ATP6V0E1: variants seen among roughly 807,000 people sequenced by gnomAD.
ATP6V0E1 encodes ATPase H+ transporting V0 subunit e1.
ATP6V0E1 carries 4 observed loss-of-function variants against 11.6 expected under a neutral mutation model. The observed-to-expected ratio is 0.35, with a 90% CI of 0.17 to 0.79. The LOEUF is 0.79. Ranked by LOEUF, ATP6V0E1 falls within the 30% of genes least tolerant of loss-of-function variation. ATP6V0E1 has a pLI of 0.54. For synonymous variants in ATP6V0E1, 36 were observed against 34.8 expected (o/e 1.04, Z -0.13); for missense variants, 105 against 100.0 (o/e 1.05, Z -0.21).
At chr5:172,986,876 C>A in intron 1 of ATP6V0E1, 1 of 333,580 alleles carries the variant, frequency 3.0e-6, no homozygotes, top group South Asian at 2.2e-5. Context: ...CACCCTCCGC[C>A]TCCTGGGTTC....
At chr5:173,026,559 G>A (rs775872432) in intron 3 of ATP6V0E1, among the ~76,000 whole-genome samples, 1 of 152,110 alleles carries the variant, frequency 6.6e-6, no homozygotes, top group Non-Finnish European at 1.5e-5. Flanking sequence ...TGCTGTTACA[G>A]AACAGATATC....
chr5:172,992,148 T>A (rs1443237842), intron 1 of ATP6V0E1, among the ~76,000 whole-genome samples: 1 of 152,128 alleles, frequency 6.6e-6, no homozygotes, highest in African/African-American at 2.4e-5. Context: ...CCTCCCGGGT[T>A]CACGCCATTC....
chr5:173,003,885 A>C (rs1246790351), intron 2 of ATP6V0E1, among the ~76,000 whole-genome samples: 1 of 152,148 alleles, frequency 6.6e-6, no homozygotes, highest in Non-Finnish European at 1.5e-5. Flanking sequence ...AACACATAGA[A>C]TTACCTAAGG....
chr5:173,005,212 A>G (rs1756212143), intron 2 of ATP6V0E1, among the ~76,000 whole-genome samples: 2 of 151,560 alleles, frequency 1.3e-5, no homozygotes, highest in South Asian at 4.2e-4. Context: ...TGAATATATC[A>G]ATTTGAAGAG....
chr5:173,023,105 C>T (rs1399753430), intron 3 of ATP6V0E1, among the ~76,000 whole-genome samples: 2 of 152,196 alleles, frequency 1.3e-5, no homozygotes, highest in Non-Finnish European at 2.9e-5. Flanking sequence ...GATCCTCCCA[C>T]TTTGGCCTTC....
At chr5:173,011,881 A>AT (rs942385296) in intron 2 of ATP6V0E1, among the ~76,000 whole-genome samples, 10 of 151,750 alleles carry the variant, frequency 6.6e-5, no homozygotes, top group South Asian at 2.1e-4. Flanking sequence ...TTCAGAGTGG[A>AT]TTTTTTTTCC....
At chr5:173,010,487 G>C (rs2113598055) in intron 2 of ATP6V0E1, among the ~76,000 whole-genome samples, 1 of 152,322 alleles carries the variant, frequency 6.6e-6, no homozygotes, top group South Asian at 2.1e-4. Flanking sequence ...GGGGTTGTAA[G>C]GACATTTGCC....
rs191010814 is a variant in ATP6V0E1 at position 173,030,590 on chromosome 5, G to A, written c.*37-3809G>A. ...CGAGTAGCTGGGATTACAGGAATGT[G>A]CCACCATACCCGGCTAATTTTTGTA... is the stretch of plus-strand genomic sequence containing the variant. On this transcript the variant is annotated intron_variant, in intron 3 of 3. Transcript: ENST00000519374. 5.9e-3 allele frequency among the ~76,000 whole-genome samples: 887 copies of A among 149,944 alleles called. 10 individuals carry two copies. The highest frequency in any genetic ancestry group is 0.021 in the African/African-American group (840 of 40,696).
intron 3 of ATP6V0E1, among the ~76,000 whole-genome samples, chr5:173,028,932 C>T (rs899028463): frequency 2.0e-5 from 3 of 152,144 alleles, no homozygotes; most frequent in Non-Finnish European, 4.4e-5. Flanking sequence ...GGGGTGGCTT[C>T]GGCTTCAGAT....
At chr5:172,998,917 G>C (rs1756113278) in intron 2 of ATP6V0E1, among the ~76,000 whole-genome samples, 1 of 152,108 alleles carries the variant, frequency 6.6e-6, no homozygotes. Context: ...GAGGCAGGCG[G>C]ATCACAAGGT....
At chr5:173,003,536 G>A (rs1266563884) in intron 2 of ATP6V0E1, among the ~76,000 whole-genome samples, 2 of 152,152 alleles carry the variant, frequency 1.3e-5, no homozygotes, top group South Asian at 2.1e-4. Context: ...ACTGTTTGGC[G>A]GGGAGAATGG....
chr5:173,007,208 C>T (rs186985069), intron 2 of ATP6V0E1, among the ~76,000 whole-genome samples: 28 of 152,254 alleles, frequency 1.8e-4, no homozygotes, highest in Non-Finnish European at 1.2e-4. Context: ...CTCCTGAGCT[C>T]AAGCATTCTG....
At chr5:173,000,945 C>T (rs1381283383) in intron 2 of ATP6V0E1, among the ~76,000 whole-genome samples, 1 of 152,130 alleles carries the variant, frequency 6.6e-6, no homozygotes, top group Non-Finnish European at 1.5e-5. Context: ...AAGTGATCCA[C>T]CCACCTTGGC....
chr5:172,997,800 G>A (rs1317498650), intron 2 of ATP6V0E1, among the ~76,000 whole-genome samples: 3 of 144,830 alleles, frequency 2.1e-5, no homozygotes, highest in Non-Finnish European at 4.5e-5. Flanking sequence ...GCGACAGAGC[G>A]AGACTCCGTC....
chr5:173,031,224 G>A (rs1261242159), intron 3 of ATP6V0E1, among the ~76,000 whole-genome samples: 5 of 151,358 alleles, frequency 3.3e-5, no homozygotes, highest in Middle Eastern at 3.2e-3. Flanking sequence ...GATTACAGGC[G>A]TGAGCCACCG....
At chr5:173,033,174 T>C (rs1472921761) in intron 3 of ATP6V0E1, among the ~76,000 whole-genome samples, 1 of 152,194 alleles carries the variant, frequency 6.6e-6, no homozygotes, top group Non-Finnish European at 1.5e-5. Context: ...TGATCATAGC[T>C]CACTGTAACC....
intron 2 of ATP6V0E1, among the ~76,000 whole-genome samples, chr5:173,008,937 CAACTG>C (rs1756271603): frequency 1.6e-5 from 2 of 121,842 alleles, no homozygotes; most frequent in Non-Finnish European, 3.3e-5. Flanking sequence ...AAAAAAAACT[CAACTG>C]AGGGCTGGGT....
intron 2 of ATP6V0E1, among the ~76,000 whole-genome samples, chr5:173,007,172 G>A (rs181516945): frequency 3.3e-5 from 5 of 152,006 alleles, no homozygotes; most frequent in Non-Finnish European, 4.4e-5. Flanking sequence ...ATGAGGTCTC[G>A]CCATGTTGCC....
chr5:172,986,898 C>T, intron 1 of ATP6V0E1: 1 of 325,550 alleles, frequency 3.1e-6, no homozygotes, highest in Non-Finnish European at 6.0e-6. Context: ...AGCAATTCTC[C>T]TGCCTCAGCC....
Sources: gnomAD v4.1 joint callset for allele counts (sites outside exome capture counted in the v4.1 genomes callset) on GRCh38, gnomAD v4.1.1 for gene constraint, MANE v1.5 for transcripts, NCBI Gene and HGNC (gene_info 2026-07-23, HGNC 2026-07-21) for gene names.